The following PLTP variants were observed in gnomAD, a reference collection of about 807,000 sequenced individuals.
The protein encoded by PLTP is BPI fold containing family E.
In PLTP, 43 loss-of-function variants were observed where a neutral mutation model predicts 54.1. The ratio of observed to expected loss-of-function variants is 0.79; its 90% confidence interval spans 0.62 to 1.02. The LOEUF is 1.02. Among genes scored for constraint, PLTP ranks in the 50% least tolerant of loss-of-function variants. The pLI is 0.00. For synonymous variants in PLTP, 263 were observed against 264.6 expected (o/e 0.99, Z 0.06); for missense variants, 604 against 645.9 (o/e 0.94, Z 0.70).
rs1345212854 is a variant in PLTP, at chr20:45,902,298, T to C, written c.1144A>G (p.Lys382Glu). 1.2e-6 allele frequency: 2 copies of C among 1,613,946 alleles called. No homozygotes were observed. Among genetic ancestry groups the C allele is most frequent in the Non-Finnish European group, 1.7e-6 (2 of 1,180,044 alleles). The change falls in exon 12 of 16, where the codon AAG becomes GAG. Residue 382 changes from lysine to glutamate, a missense_variant. By Grantham distance (56) the Lys-to-Glu change is moderately conservative. Coordinates refer to ENST00000372431, the MANE Select transcript of PLTP (RefSeq NM_006227.4). ...RLSAKMALRG[K>E]ALRTQLDLRR... ...AGGTCCAGCTGCGTGCGCAGGGCCT[T>C]CCCCCGGAGAGCCATCTTGGCGCTG...
chr20:45,905,320 G>A (rs958221557), intron 8 of PLTP, among the ~76,000 whole-genome samples: 2 of 152,228 alleles, frequency 1.3e-5, no homozygotes, highest in African/African-American at 4.8e-5. Context: ...CGTCAGACTG[G>A]AGGAGGGAGG....
Position 45,905,015 on chromosome 20 carries a change from T to G in PLTP, c.809A>C (p.Glu270Ala), listed in dbSNP as rs1430889909. ...CTCCATGGCAGAGTCGAAGAAGAAC[T>G]CAGAGAAGGCCACATACACCATCCG... ...EERMVYVAFS[E>A]FFFDSAMESY... The change falls in exon 9 of 16, where the codon GAG becomes GCG. Residue 270 changes from glutamate (E) to alanine (A), a missense_variant. Glu to Ala is a moderately radical substitution (Grantham distance 107, BLOSUM62 -1). Transcript: ENST00000372431. The G allele has an allele frequency of 6.2e-7, 1 of 1,614,112 alleles. No homozygotes were observed. Among genetic ancestry groups the G allele is most frequent in the Admixed American group, 1.7e-5 (1 of 60,020 alleles).
Position 45,902,261 on chromosome 20 carries a change from GCCTAC to G in PLTP, c.1175+1_1175+5del, listed in dbSNP as rs778793809. On this transcript the variant is annotated splice_donor_variant and splice_donor_5th_base_variant and intron_variant, in intron 12 of 15. Transcript: ENST00000372431. LOFTEE classifies it high-confidence loss of function. ...CACTGAGGTGCAGGGAAGTGCGCCTGCCTACCTGCGCAGGTCCAGCTGCGTGCGCA... is the reference window on the plus strand; with the variant it reads ...CACTGAGGTGCAGGGAAGTGCGCCTGCTGCGCAGGTCCAGCTGCGTGCGCA... 3 of 1,613,610 alleles carry G rather than the reference GCCTAC, an allele frequency of 1.9e-6. No homozygotes were observed. In the South Asian group the frequency reaches 3.3e-5, roughly 18 times the overall value.
At chr20:45,899,799 C>T (rs368167633) in intron 13 of PLTP, 37 bp downstream of exon 13, 261 of 1,498,586 alleles carry the variant, frequency 1.7e-4, no homozygotes, top group Non-Finnish European at 2.2e-4. Flanking sequence ...CAGGATCTCA[C>T]GAACCCAGCC....
intron 12 of PLTP, among the ~76,000 whole-genome samples, chr20:45,900,687 C>A (rs932885643): frequency 2.0e-5 from 3 of 151,938 alleles, no homozygotes; most frequent in Non-Finnish European, 4.4e-5. Context: ...ATCACTATGA[C>A]CAACTAACTT....
Position 45,907,690 on chromosome 20 carries a change from A to T in PLTP, c.613+2T>A. On this transcript the variant is annotated splice_donor_variant, in intron 7 of 15. Coordinates refer to ENST00000372431, the MANE Select transcript of PLTP (RefSeq NM_006227.4). LOFTEE classifies it high-confidence loss of function. ...ACCCAGACTCACCCGCCACCAACTC[A>T]CCAGGCACGGTGTCCAGGAGGGAGT... The T allele has an allele frequency of 1.2e-6, 2 of 1,612,332 alleles. No homozygotes were observed. Among genetic ancestry groups the T allele is most frequent in the Non-Finnish European group, 1.7e-6 (2 of 1,178,918 alleles).
intron 3 of PLTP, 54 bp downstream of exon 3, chr20:45,911,098 C>T (rs947225019): frequency 9.9e-6 from 16 of 1,611,770 alleles, no homozygotes; most frequent in African/African-American, 8.0e-5. Flanking sequence ...TCTCGGGCCC[C>T]GCCTCCACCG....
At chr20:45,900,154 G>A (rs7263460) in intron 12 of PLTP, among the ~76,000 whole-genome samples, 57,961 of 130,922 alleles carry the variant, frequency 0.44, 14,184 homozygotes, top group Non-Finnish European at 0.56. Context: ...TGTCGCCCAC[G>A]CTGGAGTGCA....
intron 10 of PLTP, among the ~76,000 whole-genome samples, chr20:45,903,689 G>A (rs2083208874): frequency 6.6e-6 from 1 of 152,074 alleles, no homozygotes; most frequent in African/African-American, 2.4e-5. Flanking sequence ...TATTATTACT[G>A]CCAATTTTGT....
At chr20:45,910,846 C>T in intron 3 of PLTP, 1 of 1,289,058 alleles carries the variant, frequency 7.8e-7, no homozygotes, top group Non-Finnish European at 9.9e-7. Flanking sequence ...CCACTCTCAT[C>T]TATTGGGAAG....
intron 3 of PLTP, 50 bp from the exon 4 acceptor site, chr20:45,910,120 C>A: frequency 6.2e-7 from 1 of 1,607,922 alleles, no homozygotes; most frequent in South Asian, 1.1e-5. Context: ...GGGAACTTCC[C>A]CCAACGACAG....
chr20:45,906,326 T>G lies in PLTP; in HGVS notation c.647A>C (p.Asp216Ala). The change falls in exon 8 of 16, where the codon GAC becomes GCC. Residue 216 changes from aspartate to alanine, a missense_variant. Physicochemically the swap from Asp to Ala is moderately radical, Grantham distance 126. Transcript: ENST00000372431. ...CACAGGATCCTTCATGAGGGAATAG[T>G]CAATGCCAACAAGCTCGTCCACAGA... ...RSSVDELVGI[D>A]YSLMKDPVAS... 6.2e-7 allele frequency: 1 copy of G among 1,613,974 alleles called. No individual in the cohort carries two copies. The highest frequency in any genetic ancestry group is 8.5e-7 in the Non-Finnish European group (1 of 1,179,946).
rs1233716747 is a variant in PLTP, at chr20:45,907,051, A to G, written c.613+641T>C. ...GCTTAGAAAAAGGGAATTCATGGCC[A>G]GGCACAGTGGCTCATGCCTATAATC... On this transcript the variant is annotated intron_variant, in intron 7 of 15. Coordinates refer to ENST00000372431, the MANE Select transcript of PLTP (RefSeq NM_006227.4). Among the ~76,000 whole-genome samples, 21 of 127,010 alleles carry G rather than the reference A, an allele frequency of 1.7e-4. 7 individuals are homozygous for G. The highest frequency in any genetic ancestry group is 3.2e-4 in the Non-Finnish European group (17 of 52,956). 83.3% of individuals were successfully genotyped at this position (127,010 alleles called of 152,430 possible).
In PLTP at chr20:45,899,462, C is replaced by T. The variant is rs1163793287; in HGVS notation, c.1359G>A (p.Ala453=). Residue 453 remains alanine, a splice_region_variant and synonymous_variant, in exon 15 of 16, where the codon GCG becomes GCA. Coordinates refer to ENST00000372431, the MANE Select transcript of PLTP (RefSeq NM_006227.4). ...CCTTCCCCATCCTGCCCCCACTCAC[C>T]GCATGGTTCGTCACCACCTCATGCA... ...NFVHEVVTNH[A]GFLTIGADLH... 4 of 1,613,902 alleles carry T rather than the reference C, an allele frequency of 2.5e-6. No homozygotes were observed. The highest frequency in any genetic ancestry group is 2.2e-5 in the East Asian group (1 of 44,856).
chr20:45,905,253 C>G, intron 8 of PLTP, 135 bp from the exon 9 acceptor site: 1 of 744,034 alleles, frequency 1.3e-6, no homozygotes, highest in East Asian at 2.6e-5. Context: ...GGAGGATTCA[C>G]AAGCACATCT....
At position 45,902,292 on chromosome 20, in the gene PLTP, G is replaced by A; in HGVS notation, c.1150C>T (p.Leu384=). Residue 384 remains leucine, a synonymous_variant, in exon 12 of 16, where the codon CTG becomes TTG. Coordinates refer to ENST00000372431, the MANE Select transcript of PLTP (RefSeq NM_006227.4). ...SAKMALRGKA[L]RTQLDLRRFR... ...CTGCGCAGGTCCAGCTGCGTGCGCA[G>A]GGCCTTCCCCCGGAGAGCCATCTTG... The A allele has an allele frequency of 6.2e-7, 1 of 1,614,080 alleles. No individual in the cohort carries two copies. The highest frequency in any genetic ancestry group is 8.5e-7 in the Non-Finnish European group (1 of 1,180,042).
Position 45,906,359 on chromosome 20 carries a change from A to C in PLTP, c.614T>G (p.Val205Gly), listed in dbSNP as rs760676327. The part of the protein sequence containing the change: ...LLNSLLDTVP[V>G]RSSVDELVGI... ...AACAAGCTCGTCCACAGAACTGCGC[A>C]CTGCAGGAAGGGGCTCAAGTCACTC... Residue 205 changes from valine to glycine, a missense_variant and splice_region_variant, in exon 8 of 16, where the codon GTG (valine) becomes GGG (glycine). Physicochemically the swap from Val to Gly is moderately radical, Grantham distance 109. Coordinates refer to ENST00000372431, the MANE Select transcript of PLTP (RefSeq NM_006227.4). The C allele has an allele frequency of 6.2e-7, 1 of 1,612,452 alleles. No individual in the cohort carries two copies. Among genetic ancestry groups the C allele is most frequent in the African/African-American group, 1.3e-5 (1 of 74,878 alleles).
In PLTP at chr20:45,902,540, G is replaced by A; in HGVS notation, c.1007C>T (p.Thr336Ile). 1 of 1,614,084 alleles carries A rather than the reference G, an allele frequency of 6.2e-7. No individual in the cohort carries two copies. Among genetic ancestry groups the A allele is most frequent in the Non-Finnish European group, 8.5e-7 (1 of 1,179,940 alleles). Residue 336 changes from threonine to isoleucine, a missense_variant, in exon 11 of 16, where the codon ACC becomes ATC. Thr to Ile is a moderately conservative substitution (Grantham distance 89). Coordinates refer to ENST00000372431, the MANE Select transcript of PLTP (RefSeq NM_006227.4). ...ELRVLAPPRC[T>I]IKPSGTTISV... ...GATGGTGGTGCCAGAGGGCTTGATG[G>A]TGCAGCGCGGTGGGGCCAGGACCCG...
intron 12 of PLTP, 138 bp downstream of exon 12, chr20:45,902,129 C>G: frequency 1.1e-6 from 1 of 890,072 alleles, no homozygotes. Context: ...TTTACCAAAG[C>G]ACTTTGGCAT....
Sources: allele counts gnomAD v4.1 joint callset (sites outside exome capture counted in the v4.1 genomes callset), GRCh38; gene constraint gnomAD v4.1.1; transcripts MANE v1.5; gene names NCBI Gene and HGNC (gene_info 2026-07-23, HGNC 2026-07-21).